The following CELF4 variants were observed in gnomAD, a reference collection of about 807,000 sequenced individuals.
CELF4 encodes the protein CUGBP Elav-like family member 4.
In CELF4, 18 loss-of-function variants were observed where a neutral mutation model predicts 59.9. That is an observed-to-expected ratio of 0.30 (90% CI 0.21 to 0.45). The LOEUF is 0.45. Ranked by LOEUF, CELF4 falls within the 20% of genes least tolerant of loss-of-function variation. CELF4 has a pLI of 1.00. For missense variants in CELF4, 456 were observed against 689.0 expected, an observed-to-expected ratio of 0.66 and a Z score of 3.79; for synonymous variants, 261 against 267.1, an observed-to-expected ratio of 0.98 and a Z score of 0.22.
intron 6 of CELF4, chr18:37,273,814 G>A (rs993989532): frequency 1.2e-4 from 115 of 989,624 alleles, no homozygotes; most frequent in Non-Finnish European, 1.4e-4. Flanking sequence ...GGGCCCCCAT[G>A]TGGAAGAAAG....
chr18:37,380,667 CCT>C (rs3029730), intron 2 of CELF4, among the ~76,000 whole-genome samples: 125,571 of 150,782 alleles, frequency 0.83, 52,294 homozygotes, highest in East Asian at 0.93. Context: ...CCATCCATCC[CCT>C]GATTTAGTCA....
chr18:37,274,614 G>T, intron 5 of CELF4, 160 bp from the exon 6 acceptor site: 3 of 1,520,062 alleles, frequency 2.0e-6, no homozygotes, highest in Non-Finnish European at 2.6e-6. Context: ...CCCACCGCGG[G>T]CATTTTCCAC....
At chr18:37,562,526 T>C (rs2099986873) in intron 1 of CELF4, among the ~76,000 whole-genome samples, 1 of 152,168 alleles carries the variant, frequency 6.6e-6, no homozygotes, top group African/African-American at 2.4e-5. Flanking sequence ...GAAACCAGGC[T>C]TAACAAAGGC....
intron 3 of CELF4, among the ~76,000 whole-genome samples, chr18:37,287,436 C>T (rs964029663): frequency 6.6e-6 from 1 of 152,188 alleles, no homozygotes; most frequent in Non-Finnish European, 1.5e-5. Flanking sequence ...CAGGAGTCAC[C>T]CTGTAAAGCT....
intron 2 of CELF4, among the ~76,000 whole-genome samples, chr18:37,481,249 A>C (rs2099866167): frequency 6.6e-6 from 1 of 152,080 alleles, no homozygotes; most frequent in South Asian, 2.1e-4. Flanking sequence ...TACCAAGGAG[A>C]TACAGCTCCC....
At chr18:37,407,047 A>G (rs868743402) in intron 2 of CELF4, among the ~76,000 whole-genome samples, 13 of 152,190 alleles carry the variant, frequency 8.5e-5, no homozygotes, top group African/African-American at 3.1e-4. Context: ...TTTATTGAAA[A>G]AAGAAAACAA....
chr18:37,326,830 C>T (rs1603483473), intron 2 of CELF4, among the ~76,000 whole-genome samples: 2 of 152,176 alleles, frequency 1.3e-5, no homozygotes, highest in Non-Finnish European at 2.9e-5. Context: ...TCCCTTCCCC[C>T]TCCCCATCCC....
At chr18:37,327,271 A>G (rs2154528171) in intron 2 of CELF4, among the ~76,000 whole-genome samples, 1 of 152,286 alleles carries the variant, frequency 6.6e-6, no homozygotes, top group East Asian at 1.9e-4. Context: ...CCCGAGGACC[A>G]GGGTGCAAGG....
chr18:37,540,992 C>T (rs2099977396), intron 1 of CELF4, among the ~76,000 whole-genome samples: 1 of 152,144 alleles, frequency 6.6e-6, no homozygotes, highest in Admixed American at 6.5e-5. Context: ...AGGCTTCACG[C>T]ATGCATGACC....
chr18:37,387,025 G>C (rs1279313586), intron 2 of CELF4, among the ~76,000 whole-genome samples: 1 of 152,228 alleles, frequency 6.6e-6, no homozygotes, highest in Non-Finnish European at 1.5e-5. Context: ...CGGCACGCAC[G>C]GGGCTGAGCC....
chr18:37,350,785 C>T (rs147116221), intron 2 of CELF4, among the ~76,000 whole-genome samples: 15 of 152,230 alleles, frequency 9.9e-5, no homozygotes, highest in African/African-American at 3.6e-4. Context: ...GCTTATCTCA[C>T]TTAAGACCCC....
At chr18:37,539,558 G>A (rs945511171) in intron 1 of CELF4, among the ~76,000 whole-genome samples, 4 of 152,154 alleles carry the variant, frequency 2.6e-5, no homozygotes, top group African/African-American at 4.8e-5. Context: ...TGTGCTGTGC[G>A]TGTGTGAACA....
chr18:37,358,068 G>C (rs760998544), intron 2 of CELF4, among the ~76,000 whole-genome samples: 9 of 152,154 alleles, frequency 5.9e-5, no homozygotes, highest in Non-Finnish European at 8.8e-5. Context: ...TAAGACTTTG[G>C]GGGACTGTTG....
At chr18:37,366,689 A>G (rs1017469603) in intron 2 of CELF4, among the ~76,000 whole-genome samples, 1 of 152,224 alleles carries the variant, frequency 6.6e-6, no homozygotes, top group African/African-American at 2.4e-5. Context: ...GGAGGGAGGC[A>G]TCGCCACTAT....
At chr18:37,353,020 G>C (rs1001534607) in intron 2 of CELF4, among the ~76,000 whole-genome samples, 2 of 152,066 alleles carry the variant, frequency 1.3e-5, no homozygotes, top group South Asian at 2.1e-4. Context: ...AGGAGATCGA[G>C]ACCATCCTGG....
At chr18:37,391,488 G>A (rs911205474) in intron 2 of CELF4, among the ~76,000 whole-genome samples, 2 of 152,194 alleles carry the variant, frequency 1.3e-5, no homozygotes, top group African/African-American at 2.4e-5. Flanking sequence ...CCATGTGGTC[G>A]AACAGTCTTT....
chr18:37,521,499 C>CATATTA (rs1384836566), intron 1 of CELF4, among the ~76,000 whole-genome samples: 5 of 152,122 alleles, frequency 3.3e-5, no homozygotes, highest in Admixed American at 1.3e-4. Flanking sequence ...AATCTAAAAT[C>CATATTA]ATATTAATAT....
intron 2 of CELF4, among the ~76,000 whole-genome samples, chr18:37,421,099 C>G (rs551837529): frequency 1.3e-5 from 2 of 152,308 alleles, no homozygotes; most frequent in African/African-American, 4.8e-5. Context: ...TTCCCCATCC[C>G]CTCCCCAACA....
Position 37,319,137 on chromosome 18 carries a change from G to A in CELF4, c.448+2666C>T, listed in dbSNP as rs564436795. On this transcript the variant is annotated intron_variant, in intron 3 of 12. Coordinates refer to ENST00000420428, the MANE Select transcript of CELF4 (RefSeq NM_020180.4). ...TCACTGCCTCCTGGCCGGGCCGTGT[G>A]AACTGGGGGCTGCAGGTGAGTCACT... 1.1e-4 allele frequency among the ~76,000 whole-genome samples: 17 copies of A among 152,310 alleles called. No homozygotes were observed. The South Asian group carries it at 3.1e-3, about 28-fold the overall frequency.
Sources: allele counts gnomAD v4.1 joint callset (sites outside exome capture counted in the v4.1 genomes callset), GRCh38; gene constraint gnomAD v4.1.1; transcripts MANE v1.5; gene names NCBI Gene and HGNC (gene_info 2026-07-23, HGNC 2026-07-21).